Variants in PCDHA3 observed in about 807,000 individuals in gnomAD.
PCDHA3 encodes protocadherin alpha 3, also known as protocadherin alpha-3.
PCDHA3 carries 41 observed loss-of-function variants against 62.2 expected under a neutral mutation model. The observed-to-expected ratio is 0.66, with a 90% CI of 0.51 to 0.86. The LOEUF (loss-of-function observed/expected upper bound fraction) is 0.86. PCDHA3 is among the 40% of genes least tolerant of loss of function. The probability of loss-of-function intolerance (pLI) is 0.00; values close to 1 mark genes in which losing one functional copy is unlikely to be tolerated. For missense variants in PCDHA3, 1,304 were observed against 1,241.2 expected, an observed-to-expected ratio of 1.05 and a Z score of -0.76; for synonymous variants, 640 against 555.4, an observed-to-expected ratio of 1.15 and a Z score of -2.14.
chr5:140,895,225 G>GT, intron 1 of PCDHA3, among the ~76,000 whole-genome samples: 1 of 152,168 alleles, frequency 6.6e-6, no homozygotes, highest in African/African-American at 2.4e-5. Context: ...ATTTTACTGA[G>GT]TTTTCTCATC....
In PCDHA3 at chr5:140,852,980, G is replaced by A. The variant is rs2150526808; in HGVS notation, c.2394+49389G>A. The A allele has an allele frequency of 1.0e-4, 36 of 347,518 alleles. 1 individual carries two copies. The highest frequency in any genetic ancestry group is 1.4e-4 in the Non-Finnish European group (33 of 236,394). 21.5% of individuals were successfully genotyped at this position (347,518 alleles called of 1,614,324 possible). A position where few individuals can be genotyped will look rare whatever the true frequency, so the allele number is the denominator to read the frequency against. The stretch of plus-strand genomic sequence containing the variant: ...TCCAAGCTCCCCCTCCCGTGTTCAC[G>A]CCATTCTCCTGCCTCAGCCTCCCGA... On this transcript the variant is annotated intron_variant, in intron 1 of 3. Transcript: ENST00000522353.
At chr5:140,843,844 A>T in intron 1 of PCDHA3, 1 of 1,001,286 alleles carries the variant, frequency 1.0e-6, no homozygotes, top group Non-Finnish European at 1.5e-6. Flanking sequence ...GTTTTTAGAA[A>T]CCTTTTATAA....
chr5:140,998,569 GT>G (rs71574497), intron 3 of PCDHA3, among the ~76,000 whole-genome samples: 30,440 of 149,318 alleles, frequency 0.2, 3,131 homozygotes, highest in Middle Eastern at 0.33. Flanking sequence ...TTGTAAATAA[GT>G]TTTTTTTTTT....
intron 1 of PCDHA3, chr5:140,807,395 G>A (rs3822354): frequency 0.38 from 377,068 of 984,498 alleles, 146,379 homozygotes; most frequent in South Asian, 0.45. Context: ...GGCGTCCAAG[G>A]GCCGCGGAGG....
rs201572428 is a variant in PCDHA3, at chr5:140,982,529, T to A, written c.2508T>A (p.Asp836Glu). 220 of 1,614,200 alleles carry A rather than the reference T, an allele frequency of 1.4e-4. No homozygotes were observed. Among genetic ancestry groups the A allele is most frequent in the Non-Finnish European group, 1.7e-4 (202 of 1,180,036 alleles). Reference sequence around the variant, plus strand: ...TACGGGCTGGTCCAGGAGGGCCTGATCAGCAGTGGCCAACAGTATCCAGTG... The same window carrying A: ...TACGGGCTGGTCCAGGAGGGCCTGAACAGCAGTGGCCAACAGTATCCAGTG... ...GILRAGPGGP[D>E]QQWPTVSSAT... Residue 836 changes from aspartate (D) to glutamate (E), a missense_variant, in exon 3 of 4, where the codon GAT becomes GAA. Transcript: ENST00000522353.
intron 1 of PCDHA3, among the ~76,000 whole-genome samples, chr5:140,935,394 G>A (rs959098226): frequency 2.0e-5 from 3 of 152,088 alleles, no homozygotes; most frequent in East Asian, 1.9e-4. Flanking sequence ...GTTATCCCAC[G>A]GGACTCAAAC....
At position 140,884,619 on chromosome 5, in the gene PCDHA3, A is replaced by C; in HGVS notation, c.2394+81028A>C. ...CTTCCTCCTTGTCTGGGTTCTGCAGAGGGAACAGGCCAGAGGGAGGAGGAC... is the reference window on the plus strand; with the variant it reads ...CTTCCTCCTTGTCTGGGTTCTGCAGCGGGAACAGGCCAGAGGGAGGAGGAC... On this transcript the variant is annotated intron_variant, in intron 1 of 3. Coordinates refer to ENST00000522353, the MANE Select transcript of PCDHA3 (RefSeq NM_018906.3). 3.7e-6 allele frequency: 6 copies of C among 1,614,074 alleles called. No homozygotes were observed. The highest frequency in any genetic ancestry group is 5.1e-6 in the Non-Finnish European group (6 of 1,179,956).
At chr5:140,952,515 C>G (rs2094758109) in intron 1 of PCDHA3, among the ~76,000 whole-genome samples, 1 of 152,132 alleles carries the variant, frequency 6.6e-6, no homozygotes, top group Non-Finnish European at 1.5e-5. Context: ...TCATCTCCAT[C>G]TGAGACCTCC....
chr5:140,981,407 C>G (rs1410838924), intron 2 of PCDHA3, among the ~76,000 whole-genome samples: 1 of 152,042 alleles, frequency 6.6e-6, no homozygotes, highest in Non-Finnish European at 1.5e-5. Flanking sequence ...AAACCTGTCT[C>G]TACTAAAAAT....
intron 1 of PCDHA3, among the ~76,000 whole-genome samples, chr5:140,921,752 C>T (rs1429216387): frequency 6.6e-6 from 1 of 152,130 alleles, no homozygotes; most frequent in Non-Finnish European, 1.5e-5. Context: ...TAACAGGACA[C>T]TTCTTGGCTA....
intron 3 of PCDHA3, among the ~76,000 whole-genome samples, chr5:140,985,312 G>C (rs961087434): frequency 2.0e-5 from 3 of 152,102 alleles, no homozygotes; most frequent in Non-Finnish European, 2.9e-5. Flanking sequence ...TAGCCTGGTG[G>C]CCAGAATTCA....
In PCDHA3 at chr5:140,838,333, C is replaced by G. The variant is rs2150288073; in HGVS notation, c.2394+34742C>G. 4.4e-4 allele frequency among the ~76,000 whole-genome samples: 66 copies of G among 149,884 alleles called. 1 individual carries two copies. In the East Asian group the frequency reaches 0.012, roughly 26 times the overall value. ...GAAACAGAGTTTCACCATGTTGCCC[C>G]GGCTGGTCTCGAAATCTGGGACTCA... On this transcript the variant is annotated intron_variant, in intron 1 of 3. Transcript: ENST00000522353.
chr5:140,841,876 G>A lies in PCDHA3; in HGVS notation c.2394+38285G>A, dbSNP rs2150324572. 2.5e-6 allele frequency: 4 copies of A among 1,613,836 alleles called. No homozygotes were observed. The South Asian group carries it at 4.4e-5, about 18-fold the overall frequency. On this transcript the variant is annotated intron_variant, in intron 1 of 3. Transcript: ENST00000522353. Reference sequence around the variant, plus strand: ...ACTTCATGCTAGATGTGAATTCAAAGAACGATGAGAATAAACTGGTTGAGC... The same window carrying A: ...ACTTCATGCTAGATGTGAATTCAAAAAACGATGAGAATAAACTGGTTGAGC...
chr5:140,876,077 G>C, intron 1 of PCDHA3: 4 of 1,613,956 alleles, frequency 2.5e-6, no homozygotes, highest in Non-Finnish European at 3.4e-6. Flanking sequence ...TTATTGGACA[G>C]AGAGCAAACG....
Position 140,858,600 on chromosome 5 carries a change from TA to T in PCDHA3, c.2394+55013del, listed in dbSNP as rs1554151860. 9.3e-6 allele frequency: 12 copies of T among 1,293,864 alleles called. 1 individual carries two copies. Among genetic ancestry groups the T allele is most frequent in the Non-Finnish European group, 1.3e-5 (12 of 949,282 alleles). 80.1% of individuals were successfully genotyped at this position (1,293,864 alleles called of 1,614,324 possible). ...GTAATATAATTTATTCCAGGAGTTT[TA>T]AAATTTTTTTATCCTACCCAGTGTG... is the stretch of plus-strand genomic sequence containing the variant. On this transcript the variant is annotated intron_variant, in intron 1 of 3. Coordinates refer to ENST00000522353, the MANE Select transcript of PCDHA3 (RefSeq NM_018906.3).
intron 1 of PCDHA3, chr5:140,830,513 A>C: frequency 7.2e-7 from 1 of 1,380,444 alleles, no homozygotes; most frequent in Non-Finnish European, 9.6e-7. Context: ...ATTAACAGTT[A>C]ATTTTTATTT....
At chr5:140,869,920 G>GTC in intron 1 of PCDHA3, 1 of 1,611,398 alleles carries the variant, frequency 6.2e-7, no homozygotes, top group Non-Finnish European at 8.5e-7. Context: ...AGACGAAGGA[G>GTC]TCAATGGAGA....
chr5:140,972,583 T>G (rs1445659828), intron 1 of PCDHA3, among the ~76,000 whole-genome samples: 1 of 152,088 alleles, frequency 6.6e-6, no homozygotes, highest in African/African-American at 2.4e-5. Flanking sequence ...TAGGGCAGAA[T>G]TTCTCTTTGG....
intron 1 of PCDHA3, chr5:140,853,828 C>T: frequency 2.0e-6 from 2 of 986,484 alleles, no homozygotes; most frequent in South Asian, 9.5e-5. Flanking sequence ...TCTCATACAA[C>T]CGAAATTTTA....
Sources: gnomAD v4.1 joint callset for allele counts (sites outside exome capture counted in the v4.1 genomes callset) on GRCh38, gnomAD v4.1.1 for gene constraint, MANE v1.5 for transcripts, NCBI Gene and HGNC (gene_info 2026-07-23, HGNC 2026-07-21) for gene names.